Variants in STK3 observed in about 807,000 individuals in gnomAD.
STK3 encodes serine/threonine-protein kinase 3.
In STK3, 41 loss-of-function variants were observed where a neutral mutation model predicts 58.0. The observed-to-expected ratio is 0.71, with a 90% confidence interval of 0.55 to 0.92. The LOEUF is 0.92. Ranked by LOEUF, STK3 falls within the 40% of genes least tolerant of loss-of-function variation. STK3 has a pLI of 0.00. For missense variants in STK3, 479 were observed against 602.7 expected (o/e 0.79, Z 2.15); for synonymous variants, 170 against 191.0 (o/e 0.89, Z 0.91).
intron 9 of STK3, among the ~76,000 whole-genome samples, chr8:98,547,406 GATC>G (rs1466212168): frequency 6.6e-6 from 1 of 152,184 alleles, no homozygotes; most frequent in Non-Finnish European, 1.5e-5. Flanking sequence ...GAGAATGTTT[GATC>G]ATCATTTTAG....
At chr8:98,596,298 T>C (rs2129981149) in intron 6 of STK3, 129 bp from the exon 7 acceptor site, 5 of 1,088,556 alleles carry the variant, frequency 4.6e-6, no homozygotes, top group South Asian at 4.4e-5. Context: ...CTAGGATTTC[T>C]AGTAACACTG....
At chr8:98,831,829 T>C (rs1835542732) in intron 3 of STK3, among the ~76,000 whole-genome samples, 1 of 152,232 alleles carries the variant, frequency 6.6e-6, no homozygotes, top group Non-Finnish European at 1.5e-5. Flanking sequence ...TCCTTTATCA[T>C]AACAATCTTA....
intron 6 of STK3, among the ~76,000 whole-genome samples, chr8:98,701,436 G>A (rs1201585256): frequency 1.3e-5 from 2 of 151,940 alleles, no homozygotes; most frequent in Non-Finnish European, 2.9e-5. Flanking sequence ...TGGCCAACAT[G>A]GTGAAACCCC....
At chr8:98,936,743 C>G (rs543088329) in intron 1 of STK3, among the ~76,000 whole-genome samples, 37 of 152,212 alleles carry the variant, frequency 2.4e-4, no homozygotes, top group Non-Finnish European at 3.1e-4. Context: ...AGACAACTTG[C>G]ACTTAGTGTA....
At position 98,800,938 on chromosome 8, in the gene STK3, G is replaced by A. The variant is rs377194917; in HGVS notation, c.26+24577C>T. ...CGCTGGCCCCTGCTCCACGGCGTCC[G>A]GTCCCATAAACCGCCCAAGGGCTGA... is the stretch of plus-strand genomic sequence containing the variant. On this transcript the variant is annotated intron_variant, in intron 1 of 10. Transcript: ENST00000419617. The surrounding 1 kb of genome is among the most constrained non-coding windows in gnomAD (Gnocchi z 4.8). 3.9e-3 allele frequency among the ~76,000 whole-genome samples: 596 copies of A among 152,338 alleles called. 2 individuals are homozygous for A. Among genetic ancestry groups the A allele is most frequent in the Non-Finnish European group, 5.2e-3 (354 of 68,020 alleles).
chr8:98,351,084 C>T, the STK3 span, among the ~76,000 whole-genome samples: 5 of 152,172 alleles, frequency 3.3e-5, no homozygotes, highest in Non-Finnish European at 5.9e-5. Flanking sequence ...GAGCCCAAAA[C>T]TGTATATTCA....
chr8:98,579,021 T>C (rs546483173), intron 8 of STK3, among the ~76,000 whole-genome samples: 1 of 152,062 alleles, frequency 6.6e-6, no homozygotes, highest in African/African-American at 2.4e-5. Context: ...CATGGTAGTG[T>C]GCGCCTGTAG....
chr8:98,649,188 A>G (rs1820667219), intron 6 of STK3, among the ~76,000 whole-genome samples: 1 of 151,456 alleles, frequency 6.6e-6, no homozygotes, highest in South Asian at 2.1e-4. Context: ...CCTGTTTTTT[A>G]TACTGGATTG....
At chr8:98,690,862 G>C (rs1421711512) in intron 6 of STK3, among the ~76,000 whole-genome samples, 2 of 152,136 alleles carry the variant, frequency 1.3e-5, no homozygotes, top group African/African-American at 4.8e-5. Context: ...CAGACCAATG[G>C]AACAGAATAG....
At chr8:98,778,701 T>TA (rs1831888702) in intron 1 of STK3, among the ~76,000 whole-genome samples, 1 of 152,042 alleles carries the variant, frequency 6.6e-6, no homozygotes, top group Admixed American at 6.6e-5. Flanking sequence ...TATGCAGCCA[T>TA]AAAAAATGAT....
intron 1 of STK3, among the ~76,000 whole-genome samples, chr8:98,915,698 T>C (rs1257174059): frequency 6.6e-6 from 1 of 151,814 alleles, no homozygotes; most frequent in Non-Finnish European, 1.5e-5. Context: ...AATGGAGTCT[T>C]ATAAAAATTT....
At chr8:98,698,658 A>G (rs1825224434) in intron 6 of STK3, among the ~76,000 whole-genome samples, 1 of 152,200 alleles carries the variant, frequency 6.6e-6, no homozygotes, top group Non-Finnish European at 1.5e-5. Context: ...TCTGGGTTGA[A>G]AATTCTTTTC....
In STK3 at chr8:98,749,372, G is replaced by A; in HGVS notation, c.255C>T (p.Tyr85=). ...QQCDSPYVVK[Y]YGSYFKNTDL... ...CTGTATTCTTAAAATAACTGCCATA[G>A]TACTTTACAACATATGGGCTAAAGG... Residue 85 remains tyrosine, a synonymous_variant, in exon 4 of 11, where the codon TAC becomes TAT. Transcript: ENST00000419617. 1 of 1,587,666 alleles carries A rather than the reference G, an allele frequency of 6.3e-7. No individual in the cohort carries two copies. The highest frequency in any genetic ancestry group is 8.6e-7 in the Non-Finnish European group (1 of 1,164,398).
intron 6 of STK3, chr8:98,597,188 C>A (rs1438662382): frequency 1.3e-6 from 1 of 758,918 alleles, no homozygotes; most frequent in Non-Finnish European, 1.6e-6. Context: ...CTATATCATT[C>A]TTTTGAATGC....
intron 1 of STK3, among the ~76,000 whole-genome samples, chr8:98,776,685 G>C (rs936556862): frequency 2.0e-5 from 3 of 151,800 alleles, no homozygotes; most frequent in African/African-American, 7.3e-5. Flanking sequence ...ACAATCTCTA[G>C]CTTGCAACTA....
chr8:98,797,356 T>TTC (rs142742770), intron 1 of STK3, among the ~76,000 whole-genome samples: 5 of 152,078 alleles, frequency 3.3e-5, no homozygotes, highest in African/African-American at 9.7e-5. Flanking sequence ...TGGCTTTTCC[T>TTC]TCTCTCTCTC....
intron 3 of STK3, among the ~76,000 whole-genome samples, chr8:98,433,464 G>A (rs1360826441): frequency 6.6e-6 from 1 of 152,168 alleles, no homozygotes; most frequent in Non-Finnish European, 1.5e-5. Flanking sequence ...CAAAGGCCAT[G>A]GTGAATCGGT....
chr8:98,579,013 T>G (rs1042360431), intron 8 of STK3, among the ~76,000 whole-genome samples: 1 of 152,004 alleles, frequency 6.6e-6, no homozygotes. Flanking sequence ...TAGCCAGGCA[T>G]GGTAGTGTGC....
intron 3 of STK3, among the ~76,000 whole-genome samples, chr8:98,859,411 T>C (rs1836843793): frequency 6.6e-6 from 1 of 152,144 alleles, no homozygotes; most frequent in Admixed American, 6.5e-5. Context: ...TATATATAAG[T>C]TAACAAGCAC....
Sources: gnomAD v4.1 joint callset for allele counts (sites outside exome capture counted in the v4.1 genomes callset) on GRCh38, gnomAD v4.1.1 for gene constraint, Gnocchi (gnomAD v3.1) non-coding constraint, MANE v1.5 for transcripts, NCBI Gene and HGNC (gene_info 2026-07-23, HGNC 2026-07-21) for gene names.